Variants in ST6GAL1 observed in about 807,000 individuals in gnomAD.
The protein encoded by ST6GAL1 is ST6 beta-galactoside alpha-2,6-sialyltransferase 1, also known as beta-galactoside alpha-2,6-sialyltransferase 1.
A neutral mutation model predicts 38.0 loss-of-function variants in ST6GAL1; 20 were observed. The ratio of observed to expected loss-of-function variants is 0.53; its 90% CI spans 0.37 to 0.77. The LOEUF is 0.77. ST6GAL1 is among the 30% of genes least tolerant of loss of function. The probability of loss-of-function intolerance (pLI) is 0.00; values close to 1 mark genes in which losing one functional copy is unlikely to be tolerated. For synonymous variants in ST6GAL1, 196 were observed against 188.2 expected (o/e 1.04, Z -0.34); for missense variants, 432 against 496.4 (o/e 0.87, Z 1.23).
intron 2 of ST6GAL1, among the ~76,000 whole-genome samples, chr3:186,979,351 CA>C (rs1242958798): frequency 5.3e-5 from 8 of 152,206 alleles, no homozygotes; most frequent in African/African-American, 1.9e-4. Flanking sequence ...GAGAAGGTCC[CA>C]GGGGTGAAGT....
chr3:187,075,353 G>A lies in ST6GAL1; in HGVS notation c.980-209G>A, dbSNP rs1175499571. ...CTGGCCTAGGTGCTGGGGATTCAAA[G>A]GTGTATAACCCTCACACAGCCCTGC... On this transcript the variant is annotated intron_variant, in intron 7 of 7. Coordinates refer to ENST00000169298, the MANE Select transcript of ST6GAL1 (RefSeq NM_173216.2). The surrounding 1 kb of genome is among the most constrained non-coding windows in gnomAD (Gnocchi z 4.1). Among the ~76,000 whole-genome samples, 2 of 152,186 alleles carry A rather than the reference G, an allele frequency of 1.3e-5. No homozygotes were observed. The highest frequency in any genetic ancestry group is 2.9e-5 in the Non-Finnish European group (2 of 68,032).
At chr3:186,962,321 T>A (rs568926253) in intron 1 of ST6GAL1, among the ~76,000 whole-genome samples, 35 of 152,286 alleles carry the variant, frequency 2.3e-4, no homozygotes, top group Non-Finnish European at 4.1e-4. Flanking sequence ...TCTCTTTCTC[T>A]CCTTACGAAT....
intron 1 of ST6GAL1, among the ~76,000 whole-genome samples, chr3:186,962,298 C>G (rs1304844238): frequency 1.3e-5 from 2 of 152,188 alleles, no homozygotes; most frequent in African/African-American, 4.8e-5. Flanking sequence ...ACTCCCCTGT[C>G]CCTCCACGGG....
intron 5 of ST6GAL1, among the ~76,000 whole-genome samples, chr3:187,055,948 T>A (rs1718685634): frequency 6.6e-6 from 1 of 152,216 alleles, no homozygotes; most frequent in Admixed American, 6.5e-5. Context: ...TCTAAGTCTC[T>A]TTGTAGGTCT....
At position 186,952,878 on chromosome 3, in the gene ST6GAL1, A is replaced by G. The variant is rs1445307015; in HGVS notation, c.-324-10907A>G. ...GAACTGCTGCTTTTCTCCCTAAAAG[A>G]GCCATCCTCATTTCAGTGGACAACA... On this transcript the variant is annotated intron_variant, in intron 1 of 7. Transcript: ENST00000169298. This position sits in a 1 kb window ranked among gnomAD's most constrained non-coding sequence, Gnocchi z 4.1. Among the ~76,000 whole-genome samples, 3 of 152,228 alleles carry G rather than the reference A, an allele frequency of 2.0e-5. No individual in the cohort carries two copies. Among genetic ancestry groups the G allele is most frequent in the East Asian group, 3.8e-4 (2 of 5,202 alleles).
At chr3:187,036,207 C>T (rs963050393) in intron 2 of ST6GAL1, among the ~76,000 whole-genome samples, 1 of 152,050 alleles carries the variant, frequency 6.6e-6, no homozygotes, top group Non-Finnish European at 1.5e-5. Context: ...TGAGATACCC[C>T]CTCACGTCAG....
rs186642311 is a variant in ST6GAL1 at position 187,066,684 on chromosome 3, C to T, written c.706-6165C>T. Among the ~76,000 whole-genome samples the T allele has an allele frequency of 4.8e-4, 73 of 152,002 alleles. 1 individual carries two copies. Among genetic ancestry groups the T allele is most frequent in the Admixed American group, 2.2e-3 (34 of 15,256 alleles). ...CCAGTGAGTATTTGTTACTTTCTAA[C>T]TGAGAAGGTTACTTTAAACAGTGTC... On this transcript the variant is annotated intron_variant, in intron 5 of 7. Transcript: ENST00000169298.
chr3:186,986,456 G>A (rs77566828), intron 2 of ST6GAL1: 11 of 152,438 alleles, frequency 7.2e-5, no homozygotes, highest in Non-Finnish European at 1.5e-4. Context: ...CAGCAACAAT[G>A]ACCACCACCA....
intron 4 of ST6GAL1, among the ~76,000 whole-genome samples, chr3:187,049,102 G>C (rs1718421440): frequency 6.6e-6 from 1 of 152,044 alleles, no homozygotes; most frequent in Non-Finnish European, 1.5e-5. Flanking sequence ...TGTTGGTCAG[G>C]CTGATGTCGA....
At chr3:186,977,889 A>G (rs1428479406) in intron 2 of ST6GAL1, among the ~76,000 whole-genome samples, 3 of 152,222 alleles carry the variant, frequency 2.0e-5, no homozygotes, top group African/African-American at 7.2e-5. Context: ...TTTGAAGTGA[A>G]TGGGACTTGT....
intron 1 of ST6GAL1, among the ~76,000 whole-genome samples, chr3:186,934,019 G>T (rs745624564): frequency 2.4e-4 from 37 of 152,208 alleles, no homozygotes; most frequent in Non-Finnish European, 3.1e-4. Context: ...CCATTTAGGG[G>T]CTGCTTTGTA....
chr3:186,996,474 G>C (rs546537291), intron 2 of ST6GAL1: 1 of 152,204 alleles, frequency 6.6e-6, no homozygotes, highest in Non-Finnish European at 1.5e-5. Context: ...AATAGGAACA[G>C]CATACTGTGA....
rs185238518 is a variant in ST6GAL1 at position 187,068,458 on chromosome 3, A to G, written c.706-4391A>G. 3.7e-3 allele frequency among the ~76,000 whole-genome samples: 551 copies of G among 150,254 alleles called. 6 individuals carry two copies. Among genetic ancestry groups the G allele is most frequent in the Non-Finnish European group, 4.0e-3 (274 of 68,012 alleles). ...AAGTTACTTAGCATTTAGCATCTCTATTTCTTTAATCATAAAATGAACATA... is the reference window on the plus strand; with the variant it reads ...AAGTTACTTAGCATTTAGCATCTCTGTTTCTTTAATCATAAAATGAACATA... On this transcript the variant is annotated intron_variant, in intron 5 of 7. Transcript: ENST00000169298.
intron 2 of ST6GAL1, among the ~76,000 whole-genome samples, chr3:186,995,523 A>AG (rs1716369933): frequency 1.6e-5 from 1 of 63,224 alleles, no homozygotes; most frequent in Non-Finnish European, 3.1e-5. Flanking sequence ...AAATAATAAT[A>AG]AAATAAAAAA....
At chr3:187,063,183 A>G (rs931163154) in intron 5 of ST6GAL1, among the ~76,000 whole-genome samples, 1 of 152,216 alleles carries the variant, frequency 6.6e-6, no homozygotes, top group Non-Finnish European at 1.5e-5. Context: ...TACTAAAAAG[A>G]GGAGAAAATG....
chr3:186,961,246 G>A (rs1242660626), intron 1 of ST6GAL1, among the ~76,000 whole-genome samples: 1 of 152,138 alleles, frequency 6.6e-6, no homozygotes, highest in Non-Finnish European at 1.5e-5. Context: ...AAAGTGCTGG[G>A]ATTACTGGCA....
chr3:187,037,395 G>A (rs1453216212), intron 2 of ST6GAL1, among the ~76,000 whole-genome samples: 3 of 151,896 alleles, frequency 2.0e-5, no homozygotes, highest in East Asian at 3.9e-4. Flanking sequence ...TTTATTTTGG[G>A]AGACTTTTAT....
At chr3:187,061,066 T>C (rs1718900314) in intron 5 of ST6GAL1, among the ~76,000 whole-genome samples, 1 of 152,314 alleles carries the variant, frequency 6.6e-6, no homozygotes, top group East Asian at 1.9e-4. Context: ...TTTTCTATTA[T>C]GTGCAATAAC....
rs146977983 is a variant in ST6GAL1 at position 186,955,001 on chromosome 3, T to A, written c.-324-8784T>A. Among the ~76,000 whole-genome samples the A allele has an allele frequency of 2.0e-4, 30 of 152,322 alleles. 1 individual carries two copies. The East Asian group carries it at 5.4e-3, about 27-fold the overall frequency. ...AGTCTTTAATCCATCTTGAGTTAAT[T>A]TTTGGGTAAGGTATAAGGAATGGGT... On this transcript the variant is annotated intron_variant, in intron 1 of 7. Transcript: ENST00000169298.
Sources: allele counts gnomAD v4.1 joint callset (sites outside exome capture counted in the v4.1 genomes callset), GRCh38; gene constraint gnomAD v4.1.1; non-coding constraint Gnocchi (gnomAD v3.1); transcripts MANE v1.5; gene names NCBI Gene and HGNC (gene_info 2026-07-23, HGNC 2026-07-21).